Variants in TAF4B observed in about 807,000 individuals in gnomAD.
The protein encoded by TAF4B is transcription initiation factor TFIID subunit 4B.
TAF4B carries 38 observed loss-of-function variants against 86.4 expected under a neutral mutation model. The observed-to-expected ratio is 0.44, with a 90% CI of 0.34 to 0.58. The LOEUF is 0.58. TAF4B is among the 20% of genes least tolerant of loss of function. The probability of loss-of-function intolerance (pLI) is 0.02; values close to 1 mark genes in which losing one functional copy is unlikely to be tolerated. For synonymous variants in TAF4B, 388 were observed against 391.2 expected (o/e 0.99, Z 0.10); for missense variants, 988 against 1,027.6 (o/e 0.96, Z 0.53).
intron 1 of TAF4B, among the ~76,000 whole-genome samples, chr18:26,236,294 G>T (rs762976083): frequency 4.1e-4 from 63 of 152,336 alleles, no homozygotes; most frequent in Non-Finnish European, 6.8e-4. Context: ...GGCTGTCCCA[G>T]GATTCTTAGG....
intron 11 of TAF4B, among the ~76,000 whole-genome samples, chr18:26,325,916 T>C (rs1354451452): frequency 6.6e-6 from 1 of 152,170 alleles, no homozygotes; most frequent in Non-Finnish European, 1.5e-5. Context: ...ATACCAACAA[T>C]AAAAATTTAA....
chr18:26,292,643 C>T (rs1282311954), intron 8 of TAF4B, among the ~76,000 whole-genome samples: 1 of 152,140 alleles, frequency 6.6e-6, no homozygotes, highest in African/African-American at 2.4e-5. Flanking sequence ...TGTTCTCACC[C>T]TCCGGAGTAG....
At chr18:26,249,295 A>G (rs1035232645) in intron 1 of TAF4B, among the ~76,000 whole-genome samples, 4 of 152,228 alleles carry the variant, frequency 2.6e-5, no homozygotes, top group African/African-American at 7.2e-5. Context: ...CCAGGCCAAC[A>G]TGGCAAAACT....
chr18:26,278,148 C>T (rs2056404547), intron 5 of TAF4B, among the ~76,000 whole-genome samples: 1 of 152,110 alleles, frequency 6.6e-6, no homozygotes, highest in Non-Finnish European at 1.5e-5. Context: ...TTTCCTTGAT[C>T]CTCTGACTTT....
At chr18:26,246,798 G>A (rs897368116) in intron 1 of TAF4B, among the ~76,000 whole-genome samples, 8 of 151,948 alleles carry the variant, frequency 5.3e-5, no homozygotes, top group Non-Finnish European at 1.2e-4. Context: ...CTCCCAAAGT[G>A]TTGGCATTAC....
intron 14 of TAF4B, chr18:26,366,553 T>C (rs1354170051): frequency 5.3e-5 from 8 of 152,218 alleles, no homozygotes; most frequent in Non-Finnish European, 1.5e-5. Flanking sequence ...TATAAGATAG[T>C]ACTGCTTAAA....
At chr18:26,363,820 A>G (rs1394108503) in intron 14 of TAF4B, among the ~76,000 whole-genome samples, 1 of 152,192 alleles carries the variant, frequency 6.6e-6, no homozygotes, top group Non-Finnish European at 1.5e-5. Flanking sequence ...TAGAATCAGC[A>G]TATAATCCCA....
At chr18:26,329,994 G>C (rs1384363695) in intron 12 of TAF4B, among the ~76,000 whole-genome samples, 1 of 152,036 alleles carries the variant, frequency 6.6e-6, no homozygotes, top group African/African-American at 2.4e-5. Flanking sequence ...TTTAGAGATA[G>C]AGTCTCACTA....
chr18:26,277,345 C>A (rs780213773), intron 5 of TAF4B, among the ~76,000 whole-genome samples: 2 of 152,108 alleles, frequency 1.3e-5, no homozygotes, highest in African/African-American at 2.4e-5. Flanking sequence ...CTTGGCCTGG[C>A]GAAGTGCTAG....
At chr18:26,310,007 G>C (rs1013933159) in intron 9 of TAF4B, among the ~76,000 whole-genome samples, 2 of 152,010 alleles carry the variant, frequency 1.3e-5, no homozygotes, top group African/African-American at 4.8e-5. Context: ...ATTTTTAGTA[G>C]AGATGGGGTT....
At chr18:26,386,312 AT>A (rs147308673) in intron 14 of TAF4B, among the ~76,000 whole-genome samples, 6,359 of 144,890 alleles carry the variant, frequency 0.044, 182 homozygotes, top group Non-Finnish European at 0.061. Context: ...AGGTCTCTTT[AT>A]TTTTTTTTTC....
intron 7 of TAF4B, among the ~76,000 whole-genome samples, chr18:26,287,771 AAG>A (rs2056542675): frequency 6.6e-6 from 1 of 152,182 alleles, no homozygotes; most frequent in East Asian, 1.9e-4. Flanking sequence ...TTATCAGAAT[AAG>A]AGGTATCTGA....
rs1978620106 is a variant in TAF4B at position 26,390,145 on chromosome 18, C to G, written c.*133C>G. ...AAAGAGCATTGTTTACAGTTAGAAA[C>G]TTTATTAACTCTTACCTATCCATCT... On this transcript the variant is annotated 3_prime_UTR_variant, in exon 15 of 15. Coordinates refer to ENST00000269142, the MANE Select transcript of TAF4B (RefSeq NM_005640.3). 2 of 892,600 alleles carry G rather than the reference C, an allele frequency of 2.2e-6. No individual in the cohort carries two copies. Among genetic ancestry groups the G allele is most frequent in the Non-Finnish European group, 3.4e-6 (2 of 594,748 alleles). 55.3% of individuals were successfully genotyped at this position (892,600 alleles called of 1,614,324 possible).
intron 1 of TAF4B, among the ~76,000 whole-genome samples, chr18:26,243,171 CAG>C (rs1267745719): frequency 6.6e-6 from 1 of 152,204 alleles, no homozygotes; most frequent in Non-Finnish European, 1.5e-5. Flanking sequence ...TAATATCCTG[CAG>C]AGTGTTTTCC....
chr18:26,315,159 T>TCACACACACACA lies in TAF4B; in HGVS notation c.1833-69_1833-68insACACACACACAC, dbSNP rs1415957433. 151 of 301,542 alleles carry TCACACACACACA rather than the reference T, an allele frequency of 5.0e-4. 3 individuals are homozygous for TCACACACACACA. The highest frequency in any genetic ancestry group is 6.9e-4 in the African/African-American group (21 of 30,640). The allele number at this position is 301,542 out of a possible 1,614,324, so 18.7% of individuals were successfully genotyped here. ...CTCTCTCTCTCTGTCTCTCTCTCTCTCTCACACACACACACACACACACAC... is the reference window on the plus strand; with the variant it reads ...CTCTCTCTCTCTGTCTCTCTCTCTCTCACACACACACACTCACACACACACACACACACACAC... On this transcript the variant is annotated intron_variant, in intron 9 of 14. Coordinates refer to ENST00000269142, the MANE Select transcript of TAF4B (RefSeq NM_005640.3).
chr18:26,331,561 CCT>C (rs2057050731), intron 12 of TAF4B, among the ~76,000 whole-genome samples: 3 of 152,140 alleles, frequency 2.0e-5, no homozygotes, highest in Non-Finnish European at 4.4e-5. Context: ...CCTCTAAATA[CCT>C]TTTACTCTTA....
chr18:26,285,443 TCCCAGAGTG>T (rs967949198), intron 6 of TAF4B, among the ~76,000 whole-genome samples: 2 of 151,948 alleles, frequency 1.3e-5, no homozygotes, highest in African/African-American at 4.8e-5. Context: ...TACTTTGGCC[TCCCAGAGTG>T]CTGGGATTAC....
At chr18:26,257,764 A>T (rs1331158383) in intron 1 of TAF4B, among the ~76,000 whole-genome samples, 1 of 151,458 alleles carries the variant, frequency 6.6e-6, no homozygotes, top group South Asian at 2.1e-4. Context: ...AATCTCCTTC[A>T]TGTGTATATT....
intron 3 of TAF4B, among the ~76,000 whole-genome samples, chr18:26,269,852 T>A (rs537135886): frequency 1.3e-5 from 2 of 152,332 alleles, no homozygotes; most frequent in Non-Finnish European, 2.9e-5. Flanking sequence ...CTCTGGAAAC[T>A]GTTCTTAATG....
Sources: gnomAD v4.1 joint callset for allele counts (sites outside exome capture counted in the v4.1 genomes callset) on GRCh38, gnomAD v4.1.1 for gene constraint, MANE v1.5 for transcripts, NCBI Gene and HGNC (gene_info 2026-07-23, HGNC 2026-07-21) for gene names.